Variants in GCNT4 observed in about 807,000 individuals in gnomAD.
The protein encoded by GCNT4 is beta-1,3-galactosyl-O-glycosyl-glycoprotein beta-1,6-N-acetylglucosaminyltransferase 4.
A neutral mutation model predicts 31.3 loss-of-function variants in GCNT4; 17 were observed. The observed-to-expected ratio is 0.54, with a 90% CI of 0.37 to 0.81. The LOEUF is 0.81. Among genes scored for constraint, GCNT4 ranks in the 40% least tolerant of loss-of-function variants. The probability of loss-of-function intolerance (pLI) is 0.00; values close to 1 mark genes in which losing one functional copy is unlikely to be tolerated. For missense variants in GCNT4, 503 were observed against 525.5 expected (o/e 0.96, Z 0.42); for synonymous variants, 158 against 190.6 (o/e 0.83, Z 1.41).
At chr5:75,048,556 A>ACAAAAC (rs1743497242) in intron 2 of GCNT4, among the ~76,000 whole-genome samples, 1 of 152,214 alleles carries the variant, frequency 6.6e-6, no homozygotes, top group South Asian at 2.1e-4. Flanking sequence ...CAAAACAAAA[A>ACAAAAC]CAAAACCAAA....
At chr5:75,024,315 C>G (rs1742916452), downstream of GCNT4, among the ~76,000 whole-genome samples, 1 of 152,152 alleles carries the variant, frequency 6.6e-6, no homozygotes, top group African/African-American at 2.4e-5. Flanking sequence ...CACAGTTGTC[C>G]AGCTTGGTAA....
chr5:75,027,184 G>C lies in GCNT4; in HGVS notation c.*1492C>G. 6.7e-6 allele frequency: 1 copy of C among 148,864 alleles called. No individual in the cohort carries two copies. Among genetic ancestry groups the C allele is most frequent in the Admixed American group, 6.8e-5 (1 of 14,776 alleles). 9.2% of individuals were successfully genotyped at this position (148,864 alleles called of 1,614,324 possible). On this transcript the variant is annotated 3_prime_UTR_variant, in exon 4 of 4. Coordinates refer to ENST00000652361, the MANE Select transcript of GCNT4 (RefSeq NM_001366737.1). ...TTCTACAATTTCCCAAGAGACTGGTGAAAATGTTATTGCCTATTCTCAGAA... is the reference window on the plus strand; with the variant it reads ...TTCTACAATTTCCCAAGAGACTGGTCAAAATGTTATTGCCTATTCTCAGAA...
At chr5:75,051,717 C>G (rs1294015833) in intron 2 of GCNT4, among the ~76,000 whole-genome samples, 1 of 152,246 alleles carries the variant, frequency 6.6e-6, no homozygotes, top group Non-Finnish European at 1.5e-5. Context: ...GACTGCCCGA[C>G]TATGCCATTC....
At chr5:75,050,672 C>T (rs767782132) in intron 2 of GCNT4, among the ~76,000 whole-genome samples, 2 of 152,038 alleles carry the variant, frequency 1.3e-5, no homozygotes, top group Non-Finnish European at 2.9e-5. Flanking sequence ...TCCCTGTTTC[C>T]GTAAATACCA....
intron 3 of GCNT4, 61 bp from the exon 4 acceptor site, chr5:75,030,099 C>T (rs1053684161): frequency 4.1e-6 from 6 of 1,481,016 alleles, no homozygotes; most frequent in Non-Finnish European, 5.5e-6. Flanking sequence ...GTCAGTTTAT[C>T]CAAAATCTAC....
intron 3 of GCNT4, among the ~76,000 whole-genome samples, chr5:75,032,872 G>GGTGGGTGGGTGT (rs55942109): frequency 3.3e-4 from 43 of 130,646 alleles, no homozygotes; most frequent in East Asian, 7.7e-4. Context: ...CCCAAATAGG[G>GGTGGGTGGGTGT]GTGTGTGTGT....
At chr5:75,053,999 GC>G (rs1474243791), upstream of GCNT4, among the ~76,000 whole-genome samples, 1 of 152,154 alleles carries the variant, frequency 6.6e-6, no homozygotes, top group Admixed American at 6.5e-5. Context: ...GGAGGCTCAG[GC>G]CCTGCAGGAA....
At chr5:75,052,914 G>C (rs935808541), upstream of GCNT4, 5 of 152,194 alleles carry the variant, frequency 3.3e-5, no homozygotes, top group African/African-American at 1.2e-4. Context: ...GGGCTCTGAA[G>C]GGCCAGGACG....
At chr5:75,053,010 C>A (rs1743619170), upstream of GCNT4, among the ~76,000 whole-genome samples, 1 of 151,952 alleles carries the variant, frequency 6.6e-6, no homozygotes, top group African/African-American at 2.4e-5. Flanking sequence ...CCGGCGCCGG[C>A]GCGCTCGCGA....
At chr5:75,019,147 C>T in the GCNT4 span, among the ~76,000 whole-genome samples, 1 of 152,152 alleles carries the variant, frequency 6.6e-6, no homozygotes, top group South Asian at 2.1e-4. Flanking sequence ...GCAATTAGGT[C>T]ATAAGGGTAG....
At chr5:75,034,742 A>C (rs550605099) in intron 3 of GCNT4, among the ~76,000 whole-genome samples, 3 of 152,368 alleles carry the variant, frequency 2.0e-5, no homozygotes, top group East Asian at 3.9e-4. Context: ...GCTATAACTC[A>C]GGTGAAATAT....
At position 75,029,724 on chromosome 5, in the gene GCNT4, G is replaced by A. The variant is rs1743020800; in HGVS notation, c.314C>T (p.Ala105Val). 2 of 1,613,968 alleles carry A rather than the reference G, an allele frequency of 1.2e-6. No homozygotes were observed. The highest frequency in any genetic ancestry group is 8.5e-7 in the Non-Finnish European group (1 of 1,180,008). Residue 105 changes from alanine (A) to valine (V), a missense_variant, in exon 4 of 4, where the codon GCA (alanine) becomes GTA (valine). By Grantham distance (64) the Ala-to-Val change is moderately conservative (BLOSUM62 0). Transcript: ENST00000652361. The stretch of plus-strand genomic sequence containing the variant: ...ATAAATGTCACAATCACTGGTCATT[G>A]CCACAACATCATCATCCTCCAAGTC... ...IIDLEDDDVV[A>V]MTSDCDIYQT...
In GCNT4 at chr5:75,026,672, A is replaced by AC. The variant is rs58004034; in HGVS notation, c.*2003dup. On this transcript the variant is annotated 3_prime_UTR_variant, in exon 4 of 4. Transcript: ENST00000652361. The stretch of plus-strand genomic sequence containing the variant: ...CAAAAAAAAAAAAAAAAAAAAAAAA[A>AC]CACTTGTGTGGAAGCAAGGATAGGC... 1 of 143,190 alleles carries AC rather than the reference A, an allele frequency of 7.0e-6. No homozygotes were observed. The highest frequency in any genetic ancestry group is 1.5e-5 in the Non-Finnish European group (1 of 66,248). The allele number at this position is 143,190 out of a possible 1,614,324, so 8.9% of individuals were successfully genotyped here.
At chr5:75,021,515 G>T (rs997415025), downstream of GCNT4, among the ~76,000 whole-genome samples, 3 of 152,176 alleles carry the variant, frequency 2.0e-5, no homozygotes, top group Admixed American at 6.5e-5. Context: ...TGGAAGAAGG[G>T]CTGAGTAGAC....
At chr5:75,040,088 C>T (rs980301290) in intron 3 of GCNT4, among the ~76,000 whole-genome samples, 38 of 152,238 alleles carry the variant, frequency 2.5e-4, no homozygotes, top group African/African-American at 6.3e-4. Context: ...ATCTTTGCAA[C>T]TCCTGTTTCC....
chr5:75,040,072 C>T (rs368236149), intron 3 of GCNT4, among the ~76,000 whole-genome samples: 1 of 152,178 alleles, frequency 6.6e-6, no homozygotes. Flanking sequence ...TCTTCCTTGC[C>T]TCAGGATCTT....
At chr5:75,052,321 C>G (rs987937351) in intron 1 of GCNT4, 94 bp from the exon 2 acceptor site, 1 of 152,014 alleles carries the variant, frequency 6.6e-6, no homozygotes, top group African/African-American at 2.4e-5. Context: ...CTCTGCCTGC[C>G]CAACGAGGGG....
In GCNT4 at chr5:75,028,985, C is replaced by T; in HGVS notation, c.1053G>A (p.Glu351=). Residue 351 remains glutamate (E), a synonymous_variant, in exon 4 of 4, where the codon GAG becomes GAA. Coordinates refer to ENST00000652361, the MANE Select transcript of GCNT4 (RefSeq NM_001366737.1). ...ACACATCCTGGGCTGATCTGGAAATCTCCCCAGGTATTCCTGGAACCCGAA... is the reference window on the plus strand; with the variant it reads ...ACACATCCTGGGCTGATCTGGAAATTTCCCCAGGTATTCCTGGAACCCGAA... ...TLIRVPGIPG[E]ISRSAQDVSD... is the part of the protein sequence containing the mutation. 6.2e-7 allele frequency: 1 copy of T among 1,614,026 alleles called. No individual in the cohort carries two copies. Among genetic ancestry groups the T allele is most frequent in the Non-Finnish European group, 8.5e-7 (1 of 1,180,004 alleles).
the GCNT4 span, among the ~76,000 whole-genome samples, chr5:75,019,952 A>G: frequency 6.6e-6 from 1 of 152,210 alleles, no homozygotes; most frequent in East Asian, 1.9e-4. Context: ...ACAGTTGGAA[A>G]ATTTTGAAAA....
Sources: gnomAD v4.1 joint callset for allele counts (sites outside exome capture counted in the v4.1 genomes callset) on GRCh38, gnomAD v4.1.1 for gene constraint, MANE v1.5 for transcripts, NCBI Gene and HGNC (gene_info 2026-07-23, HGNC 2026-07-21) for gene names.